The following NT5C2 variants were observed in gnomAD, a reference collection of about 807,000 sequenced individuals.
NT5C2 encodes the protein 5'-nucleotidase, cytosolic II.
A neutral mutation model predicts 76.1 loss-of-function variants in NT5C2; 58 were observed. That is an observed-to-expected ratio of 0.76 (90% CI 0.62 to 0.95). The LOEUF is 0.95. Ranked by LOEUF, NT5C2 falls within the 40% of genes least tolerant of loss-of-function variation. The probability of loss-of-function intolerance (pLI) is 0.00; values close to 1 mark genes in which losing one functional copy is unlikely to be tolerated. For missense variants in NT5C2, 478 were observed against 690.3 expected (o/e 0.69, Z 3.45); for synonymous variants, 229 against 237.4 (o/e 0.96, Z 0.32).
chr10:103,100,270 A>G (rs1435089078), intron 8 of NT5C2, among the ~76,000 whole-genome samples: 2 of 152,244 alleles, frequency 1.3e-5, no homozygotes, highest in African/African-American at 4.8e-5. Context: ...CTAAAAGGCC[A>G]AAGTTCCAAA....
intron 6 of NT5C2, 110 bp downstream of exon 6, chr10:103,105,596 C>T: frequency 1.3e-6 from 1 of 773,604 alleles, no homozygotes; most frequent in Non-Finnish European, 2.1e-6. Flanking sequence ...GGAATTTGCT[C>T]TTTAATGATG....
chr10:103,124,072 T>C (rs2076222104), intron 4 of NT5C2, among the ~76,000 whole-genome samples: 2 of 151,996 alleles, frequency 1.3e-5, no homozygotes, highest in Admixed American at 6.5e-5. Context: ...AATTTTTGTG[T>C]TAACTTCATG....
intron 3 of NT5C2, among the ~76,000 whole-genome samples, chr10:103,163,097 G>A (rs2085342607): frequency 6.6e-6 from 1 of 152,182 alleles, no homozygotes; most frequent in African/African-American, 2.4e-5. Context: ...CTTTGAGAGT[G>A]ATCAGTTGCT....
At chr10:103,124,925 A>G (rs1431253514) in intron 4 of NT5C2, 1 of 149,288 alleles carries the variant, frequency 6.7e-6, no homozygotes, top group Non-Finnish European at 1.5e-5. Flanking sequence ...TATTTAATAT[A>G]ATTTAACAGA....
intron 3 of NT5C2, among the ~76,000 whole-genome samples, chr10:103,157,208 C>A (rs1022292085): frequency 6.6e-6 from 1 of 151,530 alleles, no homozygotes; most frequent in African/African-American, 2.4e-5. Context: ...ATACTGTATA[C>A]AAATACCCTA....
chr10:103,178,898 C>T (rs1476694241), intron 2 of NT5C2, among the ~76,000 whole-genome samples: 1 of 149,276 alleles, frequency 6.7e-6, no homozygotes, highest in Non-Finnish European at 1.5e-5. Context: ...GTGGTCATTC[C>T]TCTGTTTCCT....
intron 11 of NT5C2, among the ~76,000 whole-genome samples, chr10:103,096,550 G>T (rs1299704527): frequency 6.6e-6 from 1 of 152,046 alleles, no homozygotes; most frequent in Admixed American, 6.6e-5. Flanking sequence ...GTTTTTAAGA[G>T]GTAGTAAATT....
chr10:103,182,019 A>G (rs909133822), intron 1 of NT5C2, among the ~76,000 whole-genome samples: 1 of 152,072 alleles, frequency 6.6e-6, no homozygotes, highest in African/African-American at 2.4e-5. Flanking sequence ...CAAAAAAAAA[A>G]AAAAGAAAAA....
Position 103,183,291 on chromosome 10 carries a change from A to ATATC in NT5C2, c.-168-1967_-168-1964dup, listed in dbSNP as rs1554841795. 2.6e-4 allele frequency among the ~76,000 whole-genome samples: 33 copies of ATATC among 128,132 alleles called. 1 individual carries two copies. The East Asian group carries it at 7.6e-3, about 30-fold the overall frequency. The allele number at this position is 128,132 out of a possible 152,430, so 84.1% of individuals were successfully genotyped here. A position where few individuals can be genotyped will look rare whatever the true frequency, so the allele number is the denominator to read the frequency against. ...TATATATATATATATATATATATAT[A>ATATC]TATCACACACTCCTTCCCTCCCCTC... On this transcript the variant is annotated intron_variant, in intron 1 of 18. Coordinates refer to ENST00000404739, the MANE Select transcript of NT5C2 (RefSeq NM_001351169.2).
At chr10:103,136,682 T>TG (rs1427139823) in intron 4 of NT5C2, among the ~76,000 whole-genome samples, 5 of 151,966 alleles carry the variant, frequency 3.3e-5, no homozygotes, top group African/African-American at 1.2e-4. Context: ...TGGAGTGCAT[T>TG]GGCACCATCT....
Position 103,088,129 on chromosome 10 carries a change from T to C in NT5C2, c.*1543A>G, listed in dbSNP as rs955838123. On this transcript the variant is annotated 3_prime_UTR_variant, in exon 19 of 19. Transcript: ENST00000404739. ...TGAAGACCAATAGCTATTACAGTTG[T>C]ACTACAGAATAGGTCAAAGTCACCG... The C allele has an allele frequency of 2.0e-5, 3 of 152,216 alleles. No homozygotes were observed. Among genetic ancestry groups the C allele is most frequent in the African/African-American group, 4.8e-5 (2 of 41,460 alleles). 9.4% of individuals were successfully genotyped at this position (152,216 alleles called of 1,614,324 possible).
chr10:103,123,695 G>A (rs1247565672), intron 4 of NT5C2, among the ~76,000 whole-genome samples: 1 of 152,178 alleles, frequency 6.6e-6, no homozygotes, highest in Non-Finnish European at 1.5e-5. Flanking sequence ...CACTGATTCT[G>A]AAATAACAGA....
intron 3 of NT5C2, among the ~76,000 whole-genome samples, chr10:103,166,969 A>ACCTT: frequency 6.6e-6 from 1 of 150,996 alleles, no homozygotes; most frequent in East Asian, 1.9e-4. Flanking sequence ...TTGATGTTCT[A>ACCTT]CCTTACTCTT....
chr10:103,189,810 AG>A (rs945505550), intron 1 of NT5C2, among the ~76,000 whole-genome samples: 2 of 150,598 alleles, frequency 1.3e-5, no homozygotes, highest in Non-Finnish European at 3.0e-5. Context: ...CTGGGACTAC[AG>A]GTGGGCGCCA....
intron 4 of NT5C2, among the ~76,000 whole-genome samples, chr10:103,129,705 A>G (rs2077635208): frequency 1.3e-5 from 1 of 77,316 alleles, no homozygotes; most frequent in African/African-American, 5.1e-5. Flanking sequence ...CCTACTGGGA[A>G]GTGAGGAGCC....
At chr10:103,135,186 A>T (rs2078946272) in intron 4 of NT5C2, among the ~76,000 whole-genome samples, 1 of 152,150 alleles carries the variant, frequency 6.6e-6, no homozygotes, top group Admixed American at 6.6e-5. Flanking sequence ...AGGACAAGAG[A>T]TTTAGAAGGG....
intron 3 of NT5C2, among the ~76,000 whole-genome samples, chr10:103,154,105 C>A (rs1224843179): frequency 6.6e-6 from 1 of 152,130 alleles, no homozygotes; most frequent in Non-Finnish European, 1.5e-5. Flanking sequence ...TGTAACATTC[C>A]TGCCTCCCGA....
chr10:103,143,184 A>G (rs1434478024), intron 3 of NT5C2, among the ~76,000 whole-genome samples: 1 of 152,118 alleles, frequency 6.6e-6, no homozygotes, highest in Non-Finnish European at 1.5e-5. Flanking sequence ...GGAAATTAGA[A>G]TGATATAGAT....
intron 4 of NT5C2, among the ~76,000 whole-genome samples, chr10:103,109,374 T>G (rs2072315631): frequency 6.6e-6 from 1 of 152,190 alleles, no homozygotes; most frequent in Non-Finnish European, 1.5e-5. Flanking sequence ...GTAAATTTGT[T>G]ATAAGTATAA....
Sources: gnomAD v4.1 joint callset for allele counts (sites outside exome capture counted in the v4.1 genomes callset) on GRCh38, gnomAD v4.1.1 for gene constraint, MANE v1.5 for transcripts, NCBI Gene and HGNC (gene_info 2026-07-23, HGNC 2026-07-21) for gene names.